The following LRRC2 variants were observed in gnomAD, a reference collection of about 807,000 sequenced individuals.
The protein encoded by LRRC2 is leucine-rich repeat-containing protein 2.
A neutral mutation model predicts 40.2 loss-of-function variants in LRRC2; 27 were observed. The observed-to-expected ratio is 0.67, with a 90% CI of 0.49 to 0.93. The LOEUF (loss-of-function observed/expected upper bound fraction) is 0.93. Among genes scored for constraint, LRRC2 ranks in the 40% least tolerant of loss-of-function variants. The pLI is 0.00. For synonymous variants in LRRC2, 147 were observed against 158.9 expected (o/e 0.92, Z 0.56); for missense variants, 402 against 439.6 (o/e 0.91, Z 0.76).
At chr3:46,531,903 C>T (rs375870018) in intron 5 of LRRC2, among the ~76,000 whole-genome samples, 93 of 152,312 alleles carry the variant, frequency 6.1e-4, no homozygotes, top group African/African-American at 2.2e-3. Context: ...AGATCCTTCT[C>T]TCGCTCCAGC....
intron 1 of LRRC2, among the ~76,000 whole-genome samples, chr3:46,565,409 A>G (rs1705036334): frequency 6.6e-6 from 1 of 152,238 alleles, no homozygotes; most frequent in South Asian, 2.1e-4. Flanking sequence ...GGCACCTAGC[A>G]AGATCAAAAA....
At chr3:46,525,516 G>A (rs1395124417) in intron 7 of LRRC2, among the ~76,000 whole-genome samples, 4 of 152,082 alleles carry the variant, frequency 2.6e-5, no homozygotes, top group Non-Finnish European at 5.9e-5. Flanking sequence ...CTCACAAAGG[G>A]TTAGGTTACA....
intron 3 of LRRC2, among the ~76,000 whole-genome samples, chr3:46,543,545 G>T (rs1380377861): frequency 6.6e-6 from 1 of 151,918 alleles, no homozygotes; most frequent in Non-Finnish European, 1.5e-5. Flanking sequence ...GAACCCGGGA[G>T]GCGGAGCTTG....
intron 7 of LRRC2, among the ~76,000 whole-genome samples, chr3:46,526,704 T>G (rs534518712): frequency 1.8e-4 from 28 of 152,252 alleles, no homozygotes; most frequent in Admixed American, 1.3e-3. Context: ...CTAGGAGTCC[T>G]GGGGAAATAT....
In LRRC2 at chr3:46,560,131, G is replaced by C. The variant is rs1021994820; in HGVS notation, c.-20+6046C>G. On this transcript the variant is annotated intron_variant, in intron 1 of 8. Coordinates refer to ENST00000395905, the MANE Select transcript of LRRC2 (RefSeq NM_024512.5). ...TAAGTCCAGACCTCTCTAGACAACT[G>C]GACAAATTTTACCTTAACCTAGAAG... Among the ~76,000 whole-genome samples, 3 of 152,104 alleles carry C rather than the reference G, an allele frequency of 2.0e-5. No individual in the cohort carries two copies. The South Asian group carries it at 6.2e-4, about 32-fold the overall frequency.
intron 8 of LRRC2, among the ~76,000 whole-genome samples, chr3:46,519,628 C>T (rs1385534046): frequency 6.6e-6 from 1 of 152,226 alleles, no homozygotes; most frequent in Non-Finnish European, 1.5e-5. Flanking sequence ...GCATCAACAT[C>T]ACCAGCGAGC....
chr3:46,550,582 G>A (rs1044611121), intron 2 of LRRC2, among the ~76,000 whole-genome samples: 1 of 152,008 alleles, frequency 6.6e-6, no homozygotes, highest in Admixed American at 6.6e-5. Flanking sequence ...TAGCAGAGAC[G>A]GGGTTTCACC....
intron 6 of LRRC2, among the ~76,000 whole-genome samples, chr3:46,528,862 A>G (rs990472806): frequency 2.0e-5 from 3 of 152,218 alleles, no homozygotes; most frequent in Non-Finnish European, 4.4e-5. Context: ...CTGAAATCCC[A>G]GCACTTTGGG....
At chr3:46,549,953 C>A (rs1056887786) in intron 2 of LRRC2, among the ~76,000 whole-genome samples, 5 of 149,158 alleles carry the variant, frequency 3.4e-5, no homozygotes, top group African/African-American at 1.2e-4. Context: ...CTCTTGGATG[C>A]GTTGCCATGT....
At position 46,539,101 on chromosome 3, in the gene LRRC2, G is replaced by A. The variant is rs17078944; in HGVS notation, c.434C>T (p.Ala145Val). 10 of 1,613,474 alleles carry A rather than the reference G, an allele frequency of 6.2e-6. No homozygotes were observed. The highest frequency in any genetic ancestry group is 5.9e-6 in the Non-Finnish European group (7 of 1,179,826). The change falls in exon 4 of 9, where the codon GCG becomes GTG. Residue 145 changes from alanine to valine, a missense_variant. Transcript: ENST00000395905. ...TTTTGGCAGATCCAGAATTCTCATC[G>A]CTTGAAATAACTGAATATATGTAGG... ...IIPTYIQLFQ[A>V]MRILDLPKNQ...
chr3:46,525,929 A>G (rs1704050880), intron 7 of LRRC2, among the ~76,000 whole-genome samples: 4 of 151,754 alleles, frequency 2.6e-5, no homozygotes, highest in Admixed American at 2.6e-4. Flanking sequence ...CTATTTTTCT[A>G]CAGGTTATTT....
At chr3:46,556,397 G>A (rs1015445184) in intron 1 of LRRC2, among the ~76,000 whole-genome samples, 4 of 152,012 alleles carry the variant, frequency 2.6e-5, no homozygotes, top group African/African-American at 7.2e-5. Flanking sequence ...AAAATGCTGG[G>A]ATGACAGGCA....
chr3:46,565,711 C>T (rs1007356669), intron 1 of LRRC2, among the ~76,000 whole-genome samples: 2 of 152,184 alleles, frequency 1.3e-5, no homozygotes, highest in African/African-American at 4.8e-5. Context: ...CCTGTCCCCA[C>T]CCCAAGCCAG....
chr3:46,543,978 A>G (rs2107022466), intron 3 of LRRC2, among the ~76,000 whole-genome samples: 1 of 152,310 alleles, frequency 6.6e-6, no homozygotes, highest in East Asian at 1.9e-4. Flanking sequence ...GCACTCAGAT[A>G]GGGTCAGGGC....
chr3:46,520,080 A>C (rs1703938368), intron 8 of LRRC2, among the ~76,000 whole-genome samples: 1 of 150,510 alleles, frequency 6.6e-6, no homozygotes, highest in Non-Finnish European at 1.5e-5. Context: ...GTTAATTTTT[A>C]AAAGCAAATT....
At chr3:46,565,314 A>G (rs1408505948) in intron 1 of LRRC2, among the ~76,000 whole-genome samples, 2 of 152,146 alleles carry the variant, frequency 1.3e-5, no homozygotes, top group African/African-American at 4.8e-5. Context: ...TCTCATGTGG[A>G]CGTGATGGAG....
Position 46,532,880 on chromosome 3 carries a change from C to G in LRRC2, c.520G>C (p.Val174Leu). Residue 174 changes from valine to leucine, a missense_variant, in exon 5 of 9, where the codon GTG (valine) becomes CTG (leucine). Coordinates refer to ENST00000395905, the MANE Select transcript of LRRC2 (RefSeq NM_024512.5). ...ATGCTCTTCAGATAGTTGAAACCCA[C>G]ATTGAGTTCTTTCAGGTTCTTCAAA... ...GCLKNLKELN[V>L]GFNYLKSIPP... 2 of 1,613,978 alleles carry G rather than the reference C, an allele frequency of 1.2e-6. No homozygotes were observed. The highest frequency in any genetic ancestry group is 1.7e-6 in the Non-Finnish European group (2 of 1,179,928).
chr3:46,532,708 A>G (rs1243868800), intron 5 of LRRC2, 65 bp downstream of exon 5: 3 of 1,515,904 alleles, frequency 2.0e-6, no homozygotes, highest in East Asian at 2.3e-5. Context: ...TTGCCATATT[A>G]TAGACCATTC....
intron 1 of LRRC2, among the ~76,000 whole-genome samples, chr3:46,561,752 T>C (rs899489769): frequency 1.3e-5 from 2 of 152,110 alleles, no homozygotes; most frequent in Non-Finnish European, 2.9e-5. Flanking sequence ...TTGCTAACAA[T>C]AGAGTCTCCA....
Sources: gnomAD v4.1 joint callset for allele counts (sites outside exome capture counted in the v4.1 genomes callset) on GRCh38, gnomAD v4.1.1 for gene constraint, MANE v1.5 for transcripts, NCBI Gene and HGNC (gene_info 2026-07-23, HGNC 2026-07-21) for gene names.